Variants in SEMA6D observed in about 807,000 individuals in gnomAD.
SEMA6D encodes semaphorin-6D.
In SEMA6D, 35 loss-of-function variants were observed where a neutral mutation model predicts 106.6. That is an observed-to-expected ratio of 0.33 (90% CI 0.25 to 0.44). SEMA6D has a LOEUF of 0.44. Ranked by LOEUF, SEMA6D falls within the 20% of genes least tolerant of loss-of-function variation. SEMA6D has a pLI of 1.00. For missense variants in SEMA6D, 1,185 were observed against 1,345.9 expected (o/e 0.88, Z 1.87); for synonymous variants, 499 against 487.7 (o/e 1.02, Z -0.31).
intron 1 of SEMA6D, among the ~76,000 whole-genome samples, chr15:47,284,868 AGAT>A (rs1354860690): frequency 6.6e-6 from 1 of 152,172 alleles, no homozygotes; most frequent in Non-Finnish European, 1.5e-5. Flanking sequence ...CAGTTATTAG[AGAT>A]GATATTTCAT....
intron 4 of SEMA6D, among the ~76,000 whole-genome samples, chr15:47,664,003 T>C (rs2077978348): frequency 6.6e-6 from 1 of 152,212 alleles, no homozygotes; most frequent in South Asian, 2.1e-4. Flanking sequence ...TTTTTCATTT[T>C]GATGAAGTAG....
intron 1 of SEMA6D, among the ~76,000 whole-genome samples, chr15:47,352,216 T>C (rs2038353477): frequency 6.6e-6 from 1 of 152,250 alleles, no homozygotes; most frequent in Admixed American, 6.5e-5. Flanking sequence ...TTTATCTTTT[T>C]ATTTTTATTA....
rs535348796 is a variant in SEMA6D at position 47,307,716 on chromosome 15, A to C, written c.-238-104677A>C. Among the ~76,000 whole-genome samples, 7 of 152,308 alleles carry C rather than the reference A, an allele frequency of 4.6e-5. No homozygotes were observed. In the East Asian group the frequency reaches 1.4e-3, roughly 29 times the overall value. ...TAAAGGGGGATACAATGAGGAAAAG[A>C]GAGCAATTTTAATGGTTTTCGTCTA... On this transcript the variant is annotated intron_variant, in intron 1 of 19. Transcript: ENST00000558014.
intron 1 of SEMA6D, among the ~76,000 whole-genome samples, chr15:47,256,067 C>G (rs992674779): frequency 1.7e-4 from 26 of 152,228 alleles, no homozygotes; most frequent in African/African-American, 6.0e-4. Context: ...GTCTGTTTCT[C>G]TACTAACAAC....
At chr15:47,571,092 T>A (rs1416102336) in intron 3 of SEMA6D, among the ~76,000 whole-genome samples, 1 of 152,148 alleles carries the variant, frequency 6.6e-6, no homozygotes, top group Non-Finnish European at 1.5e-5. Flanking sequence ...ACTCTTCTCC[T>A]GCCTGCCTGC....
chr15:47,740,513 C>T (rs1042978807), intron 1 of SEMA6D, among the ~76,000 whole-genome samples: 10 of 151,932 alleles, frequency 6.6e-5, no homozygotes, highest in Admixed American at 3.9e-4. Flanking sequence ...AGCAAGACTC[C>T]GTCTCAAAAA....
At chr15:47,472,032 TA>T (rs111336129) in intron 3 of SEMA6D, among the ~76,000 whole-genome samples, 2,353 of 150,014 alleles carry the variant, frequency 0.016, 45 homozygotes, top group African/African-American at 0.037. Context: ...GAAAAGAGAA[TA>T]GATAGAGGAC....
intron 1 of SEMA6D, among the ~76,000 whole-genome samples, chr15:47,397,230 G>T (rs963934403): frequency 8.5e-5 from 13 of 152,138 alleles, no homozygotes; most frequent in Non-Finnish European, 1.6e-4. Flanking sequence ...TTAGGCCTAG[G>T]TAGTATGTGG....
chr15:47,325,015 C>T (rs1595734814), intron 1 of SEMA6D, among the ~76,000 whole-genome samples: 2 of 152,090 alleles, frequency 1.3e-5, no homozygotes, highest in East Asian at 3.9e-4. Context: ...TTTGCTATTG[C>T]AGACAATCCT....
At chr15:47,396,135 C>T (rs1001124144) in intron 1 of SEMA6D, among the ~76,000 whole-genome samples, 14 of 152,062 alleles carry the variant, frequency 9.2e-5, no homozygotes, top group African/African-American at 1.7e-4. Context: ...CACCAAAACC[C>T]GACCGTGCTG....
At chr15:47,214,357 C>T (rs2030355058) in intron 1 of SEMA6D, among the ~76,000 whole-genome samples, 1 of 152,024 alleles carries the variant, frequency 6.6e-6, no homozygotes, top group Admixed American at 6.6e-5. Flanking sequence ...TGGAAAAGCA[C>T]AGTCTGGAAG....
Position 47,771,645 on chromosome 15 carries a change from C to A in SEMA6D, c.3082C>A (p.Gln1028Lys), listed in dbSNP as rs1182482217. 1.2e-6 allele frequency: 2 copies of A among 1,614,096 alleles called. No individual in the cohort carries two copies. The highest frequency in any genetic ancestry group is 4.5e-5 in the East Asian group (2 of 44,870). The change falls in exon 19 of 19, where the codon CAG becomes AAG. Residue 1028 changes from glutamine to lysine, a missense_variant. Around this residue, in one of 3 missense-constraint regions of SEMA6D, gnomAD observed 750 missense variants for 783.5 expected, o/e 0.96. Coordinates refer to ENST00000536845, the MANE Select transcript of SEMA6D (RefSeq NM_001358351.3). ...SVHLQPSLSRQSSYTSNGTLP... is the reference protein window; with the variant it reads ...SVHLQPSLSRKSSYTSNGTLP... ...TCATCTGCAGCCTTCCCTCTCCAGA[C>A]AGAGCAGCTACACCAGTAATGGCAC...
chr15:47,610,449 C>T (rs1555398560), intron 4 of SEMA6D, among the ~76,000 whole-genome samples: 2 of 152,044 alleles, frequency 1.3e-5, no homozygotes. Context: ...AAACTCTGGG[C>T]TCTATTTGAA....
intron 1 of SEMA6D, among the ~76,000 whole-genome samples, chr15:47,262,145 T>C (rs541114279): frequency 5.3e-5 from 8 of 152,144 alleles, no homozygotes; most frequent in African/African-American, 1.9e-4. Flanking sequence ...AAAAAATCTC[T>C]ACGAGGAGAA....
intron 2 of SEMA6D, among the ~76,000 whole-genome samples, chr15:47,419,466 G>A (rs569213129): frequency 4.6e-5 from 7 of 152,218 alleles, no homozygotes; most frequent in Non-Finnish European, 7.4e-5. Flanking sequence ...GAATGAACTG[G>A]AGGATGGTGG....
intron 1 of SEMA6D, among the ~76,000 whole-genome samples, chr15:47,754,922 A>C (rs2147463130): frequency 6.7e-6 from 1 of 149,116 alleles, no homozygotes; most frequent in South Asian, 2.1e-4. Context: ...TATTAAGAAG[A>C]TGTGTTATTT....
At chr15:47,425,082 A>G (rs2041287038) in intron 2 of SEMA6D, among the ~76,000 whole-genome samples, 1 of 152,098 alleles carries the variant, frequency 6.6e-6, no homozygotes, top group South Asian at 2.1e-4. Context: ...TATTATGCAG[A>G]TAAAGTTTTC....
chr15:47,590,498 G>A (rs938313506), intron 3 of SEMA6D, among the ~76,000 whole-genome samples: 4 of 151,092 alleles, frequency 2.6e-5, no homozygotes, highest in African/African-American at 9.8e-5. Flanking sequence ...CCTGCACTTT[G>A]TGCACATATA....
intron 1 of SEMA6D, among the ~76,000 whole-genome samples, chr15:47,369,787 A>G (rs185108646): frequency 2.6e-5 from 4 of 152,348 alleles, no homozygotes; most frequent in East Asian, 3.9e-4. Context: ...TGACTAGATA[A>G]TCTACATACA....
Sources: allele counts gnomAD v4.1 joint callset (sites outside exome capture counted in the v4.1 genomes callset), GRCh38; gene constraint gnomAD v4.1.1; regional missense constraint gnomAD v4.1.1; transcripts MANE v1.5; gene names NCBI Gene and HGNC (gene_info 2026-07-23, HGNC 2026-07-21).